The following PPM1H variants were observed in gnomAD, a reference collection of about 807,000 sequenced individuals.
PPM1H encodes the protein protein phosphatase 1H.
PPM1H carries 27 observed loss-of-function variants against 54.9 expected under a neutral mutation model. The ratio of observed to expected loss-of-function variants is 0.49; its 90% CI spans 0.36 to 0.68. The LOEUF (loss-of-function observed/expected upper bound fraction) is 0.68, where lower values mean the gene tolerates loss of function less well. PPM1H is among the 30% of genes least tolerant of loss of function. The pLI, the probability that PPM1H is intolerant of heterozygous loss-of-function variation, is 0.00. For missense variants in PPM1H, 596 were observed against 667.8 expected (o/e 0.89, Z 1.19); for synonymous variants, 305 against 270.8 (o/e 1.13, Z -1.24).
At chr12:62,853,613 G>A (rs567179864) in intron 1 of PPM1H, among the ~76,000 whole-genome samples, 1 of 152,252 alleles carries the variant, frequency 6.6e-6, no homozygotes, top group East Asian at 1.9e-4. Flanking sequence ...TGTGGCCACT[G>A]TCGCAACTTT....
intron 8 of PPM1H, 24 bp downstream of exon 8, chr12:62,689,675 A>G: frequency 6.3e-7 from 1 of 1,583,982 alleles, no homozygotes; most frequent in Non-Finnish European, 8.7e-7. Context: ...TGCACAAAAT[A>G]TAAACAAAAA....
At chr12:62,759,197 G>A (rs1333357535) in intron 4 of PPM1H, among the ~76,000 whole-genome samples, 1 of 152,200 alleles carries the variant, frequency 6.6e-6, no homozygotes, top group African/African-American at 2.4e-5. Context: ...ACGAACACGT[G>A]AGACATTTGG....
At chr12:62,655,056 G>A (rs770548976) in intron 9 of PPM1H, among the ~76,000 whole-genome samples, 8 of 152,190 alleles carry the variant, frequency 5.3e-5, no homozygotes, top group African/African-American at 9.7e-5. Context: ...GTGACAGTAC[G>A]AATGCTCTAG....
At chr12:62,825,703 G>A (rs1209576520) in intron 2 of PPM1H, among the ~76,000 whole-genome samples, 1 of 152,046 alleles carries the variant, frequency 6.6e-6, no homozygotes, top group Non-Finnish European at 1.5e-5. Context: ...TGGACACAGG[G>A]TGGGGAACAT....
In PPM1H at chr12:62,804,287, G is replaced by A. The variant is rs540995983; in HGVS notation, c.412-2127C>T. On this transcript the variant is annotated intron_variant, in intron 2 of 9. Coordinates refer to ENST00000228705, the MANE Select transcript of PPM1H (RefSeq NM_020700.2). ...GAGAATCCCTTGAATCGAGGAGAAG[G>A]AGGCTGCAACAGGCCAAGATCTTGC... Among the ~76,000 whole-genome samples, 4 of 149,150 alleles carry A rather than the reference G, an allele frequency of 2.7e-5. No individual in the cohort carries two copies. In the South Asian group the frequency reaches 6.3e-4, roughly 24 times the overall value.
intron 1 of PPM1H, among the ~76,000 whole-genome samples, chr12:62,864,978 G>T (rs896471320): frequency 6.6e-6 from 1 of 152,162 alleles, no homozygotes; most frequent in Admixed American, 6.6e-5. Context: ...ATCACAATGA[G>T]AAATGATAAA....
chr12:62,787,095 C>T (rs1016576847), intron 4 of PPM1H, among the ~76,000 whole-genome samples: 1 of 152,158 alleles, frequency 6.6e-6, no homozygotes, highest in Non-Finnish European at 1.5e-5. Context: ...GGAACGAAGG[C>T]TGCCTCAGCC....
At chr12:62,714,375 G>GA (rs2076224744) in intron 6 of PPM1H, among the ~76,000 whole-genome samples, 1 of 152,274 alleles carries the variant, frequency 6.6e-6, no homozygotes, top group East Asian at 1.9e-4. Flanking sequence ...GCTCCCAGTG[G>GA]AAAATCCCCT....
intron 1 of PPM1H, among the ~76,000 whole-genome samples, chr12:62,867,278 A>C (rs1869809261): frequency 6.6e-6 from 1 of 152,182 alleles, no homozygotes; most frequent in Admixed American, 6.5e-5. Flanking sequence ...CACTTCAGAT[A>C]ATCAGTCATT....
intron 4 of PPM1H, among the ~76,000 whole-genome samples, chr12:62,766,218 A>C (rs2076542652): frequency 6.6e-6 from 1 of 152,224 alleles, no homozygotes; most frequent in African/African-American, 2.4e-5. Flanking sequence ...TAGTGGCCTA[A>C]GAAAACAGGA....
At chr12:62,927,621 C>G (rs1826077771) in intron 1 of PPM1H, among the ~76,000 whole-genome samples, 1 of 149,628 alleles carries the variant, frequency 6.7e-6, no homozygotes, top group Non-Finnish European at 1.5e-5. Context: ...GAGATCGTAC[C>G]ACTGCACTCC....
intron 9 of PPM1H, chr12:62,659,339 T>C (rs1293480466): frequency 4.4e-6 from 2 of 450,976 alleles, no homozygotes; most frequent in Non-Finnish European, 8.0e-6. Context: ...TAAAGCCGCC[T>C]TTTAATTTTC....
At chr12:62,699,018 C>T (rs2076129130) in intron 6 of PPM1H, among the ~76,000 whole-genome samples, 1 of 152,162 alleles carries the variant, frequency 6.6e-6, no homozygotes, top group African/African-American at 2.4e-5. Context: ...TCATCCACAT[C>T]ACTGAAAAAA....
At chr12:62,841,571 G>A (rs1352616439) in intron 1 of PPM1H, among the ~76,000 whole-genome samples, 1 of 152,098 alleles carries the variant, frequency 6.6e-6, no homozygotes, top group Non-Finnish European at 1.5e-5. Context: ...GAACTTATTA[G>A]GTTGAATTAT....
intron 4 of PPM1H, among the ~76,000 whole-genome samples, chr12:62,770,088 T>C (rs2076569499): frequency 6.6e-6 from 1 of 152,100 alleles, no homozygotes; most frequent in South Asian, 2.1e-4. Context: ...CTTTTTTTTT[T>C]TTTCCTTTTT....
At chr12:62,861,789 A>G (rs1269135552) in intron 1 of PPM1H, among the ~76,000 whole-genome samples, 1 of 152,222 alleles carries the variant, frequency 6.6e-6, no homozygotes, top group Non-Finnish European at 1.5e-5. Flanking sequence ...TGCTTGCAGC[A>G]AGCTGGAGAG....
chr12:62,934,509 C>G lies in PPM1H; in HGVS notation c.228G>C (p.Trp76Cys). Residue 76 changes from tryptophan (W) to cysteine (C), a missense_variant, in exon 1 of 10, where the codon TGG becomes TGC. Trp to Cys is a radical substitution (Grantham distance 215). Transcript: ENST00000228705. The surrounding 1 kb of genome is among the most constrained non-coding windows in gnomAD (Gnocchi z 4.2). ...LILKETRRLPWATGYAEVINA... is the reference protein window; with the variant it reads ...LILKETRRLPCATGYAEVINA... The stretch of plus-strand genomic sequence containing the variant: ...GCACTCACTCTGCGTAGCCAGTGGC[C>G]CAGGGCAGCCGCCGAGTCTCCTTGA... 3.9e-6 allele frequency: 6 copies of G among 1,547,414 alleles called. No individual in the cohort carries two copies. The highest frequency in any genetic ancestry group is 4.4e-6 in the Non-Finnish European group (5 of 1,146,620).
chr12:62,701,554 T>C (rs2076144003), intron 6 of PPM1H, among the ~76,000 whole-genome samples: 1 of 152,134 alleles, frequency 6.6e-6, no homozygotes, highest in South Asian at 2.1e-4. Context: ...ACCTTAAAGT[T>C]CTCCACTGAA....
chr12:62,819,986 G>A (rs1319842975), intron 2 of PPM1H, among the ~76,000 whole-genome samples: 1 of 152,252 alleles, frequency 6.6e-6, no homozygotes, highest in East Asian at 1.9e-4. Flanking sequence ...CCTCACCTGG[G>A]AAGCGCAAGG....
Sources: allele counts gnomAD v4.1 joint callset (sites outside exome capture counted in the v4.1 genomes callset), GRCh38; gene constraint gnomAD v4.1.1; non-coding constraint Gnocchi (gnomAD v3.1); transcripts MANE v1.5; gene names NCBI Gene and HGNC (gene_info 2026-07-23, HGNC 2026-07-21).